Variants in GPR155 observed in about 807,000 individuals in gnomAD.
The protein encoded by GPR155 is G protein-coupled receptor 155, also known as lysosomal cholesterol signaling protein.
GPR155 carries 65 observed loss-of-function variants against 93.1 expected under a neutral mutation model. The ratio of observed to expected loss-of-function variants is 0.70; its 90% CI spans 0.57 to 0.86. The LOEUF is 0.86. Ranked by LOEUF, GPR155 falls within the 40% of genes least tolerant of loss-of-function variation. The pLI is 0.00. For synonymous variants in GPR155, 319 were observed against 360.1 expected, an observed-to-expected ratio of 0.89 and a Z score of 1.29; for missense variants, 838 against 1,034.8, an observed-to-expected ratio of 0.81 and a Z score of 2.61.
chr2:174,446,226 G>C (rs1687119761), intron 12 of GPR155, among the ~76,000 whole-genome samples: 1 of 149,328 alleles, frequency 6.7e-6, no homozygotes, highest in South Asian at 2.1e-4. Context: ...AGAATCGCTT[G>C]AACCCGGGAG....
chr2:174,434,830 C>T lies in GPR155; in HGVS notation c.*1286G>A, dbSNP rs529893873. The T allele has an allele frequency of 4.0e-5, 6 of 149,048 alleles. No individual in the cohort carries two copies. Among genetic ancestry groups the T allele is most frequent in the Non-Finnish European group, 7.4e-5 (5 of 67,612 alleles). The allele number at this position is 149,048 out of a possible 1,614,324, so 9.2% of individuals were successfully genotyped here. A position where few individuals can be genotyped will look rare whatever the true frequency, so the allele number is the denominator to read the frequency against. On this transcript the variant is annotated 3_prime_UTR_variant, in exon 16 of 16. Coordinates refer to ENST00000392552, the MANE Select transcript of GPR155 (RefSeq NM_152529.7). Reference sequence around the variant, plus strand: ...TTTTAGTACAGACCGGGTTTCACCACGTTGCCCGGGCTGGTCTTGAACTCC... The same window carrying T: ...TTTTAGTACAGACCGGGTTTCACCATGTTGCCCGGGCTGGTCTTGAACTCC...
intron 10 of GPR155, among the ~76,000 whole-genome samples, chr2:174,454,383 C>T (rs1000611131): frequency 6.6e-6 from 1 of 152,148 alleles, no homozygotes; most frequent in Non-Finnish European, 1.5e-5. Context: ...GCGATCTGCC[C>T]GCCTCGGCCT....
Position 174,436,125 on chromosome 2 carries a change from AG to A in GPR155, c.2603del (p.Pro868LeufsTer24). On this transcript the variant is annotated frameshift_variant, in exon 16 of 16. Coordinates refer to ENST00000392552, the MANE Select transcript of GPR155 (RefSeq NM_152529.7). LOFTEE classifies it high-confidence loss of function. ...IEHSSPPSHS[P>X]KT ...TTCTCCCCTGCATAATTTAGGTCTT[AG>A]GGGAATGTGAGGGTGGGGATGAATG... 1 of 1,612,334 alleles carries A rather than the reference AG, an allele frequency of 6.2e-7. No individual in the cohort carries two copies. The highest frequency in any genetic ancestry group is 8.5e-7 in the Non-Finnish European group (1 of 1,178,476).
chr2:174,483,766 G>A (rs1407558062), intron 1 of GPR155, among the ~76,000 whole-genome samples: 2 of 151,950 alleles, frequency 1.3e-5, no homozygotes, highest in Non-Finnish European at 2.9e-5. Context: ...TGAATTTTTA[G>A]TAGAGACGGG....
chr2:174,476,819 A>G (rs79891586), intron 2 of GPR155, among the ~76,000 whole-genome samples: 1 of 151,898 alleles, frequency 6.6e-6, no homozygotes, highest in Non-Finnish European at 1.5e-5. Context: ...TCCTTTTTTT[A>G]CCTAAATCTC....
intron 10 of GPR155, among the ~76,000 whole-genome samples, chr2:174,454,241 G>A (rs1471363291): frequency 2.6e-5 from 4 of 152,148 alleles, no homozygotes; most frequent in Admixed American, 1.3e-4. Flanking sequence ...GGGTTCAAGC[G>A]ATTGTCCCGC....
At chr2:174,479,781 G>A (rs1688268428) in intron 2 of GPR155, among the ~76,000 whole-genome samples, 1 of 152,148 alleles carries the variant, frequency 6.6e-6, no homozygotes, top group Admixed American at 6.5e-5. Flanking sequence ...TTCTCCTGAG[G>A]AAATGGACAA....
intron 2 of GPR155, among the ~76,000 whole-genome samples, chr2:174,478,012 A>G (rs1334487580): frequency 6.6e-6 from 1 of 152,170 alleles, no homozygotes; most frequent in Non-Finnish European, 1.5e-5. Context: ...CAAGCACTAG[A>G]CCATAATTAT....
At chr2:174,485,703 A>C (rs1199453855) in intron 1 of GPR155, among the ~76,000 whole-genome samples, 2 of 152,176 alleles carry the variant, frequency 1.3e-5, no homozygotes, top group African/African-American at 2.4e-5. Flanking sequence ...AAAATAATCA[A>C]AATGACTTTA....
intron 14 of GPR155, among the ~76,000 whole-genome samples, chr2:174,441,412 A>T (rs1686955306): frequency 6.6e-6 from 1 of 151,256 alleles, no homozygotes; most frequent in East Asian, 1.9e-4. Context: ...ATATATATAT[A>T]TTTAAAAAAT....
intron 3 of GPR155, among the ~76,000 whole-genome samples, 189 bp from the exon 4 acceptor site, chr2:174,470,744 T>C (rs767556595): frequency 5.9e-5 from 9 of 152,132 alleles, no homozygotes; most frequent in Non-Finnish European, 4.4e-5. Context: ...CTTGGAGCCA[T>C]TTAAAGTGTA....
At chr2:174,472,152 T>C (rs1161426015) in intron 3 of GPR155, among the ~76,000 whole-genome samples, 2 of 152,192 alleles carry the variant, frequency 1.3e-5, no homozygotes, top group East Asian at 3.8e-4. Context: ...ATGCCTGTAA[T>C]CCCAGCACTT....
intron 1 of GPR155, among the ~76,000 whole-genome samples, chr2:174,483,608 G>A (rs1172174905): frequency 1.3e-5 from 2 of 151,760 alleles, no homozygotes; most frequent in Non-Finnish European, 2.9e-5. Context: ...TTTTCAGATG[G>A]AGTTTTGTTC....
chr2:174,454,853 A>G (rs980111035), intron 10 of GPR155, among the ~76,000 whole-genome samples: 1 of 122,472 alleles, frequency 8.2e-6, no homozygotes, highest in South Asian at 2.8e-4. Flanking sequence ...AAAGGAAGGA[A>G]GGGAAGGAAG....
intron 15 of GPR155, 97 bp from the exon 16 acceptor site, chr2:174,436,513 A>G: frequency 8.7e-7 from 1 of 1,153,016 alleles, no homozygotes; most frequent in Non-Finnish European, 1.2e-6. Flanking sequence ...GAAACAAGGA[A>G]AGACAGCATG....
At chr2:174,448,249 G>A (rs1412146353) in intron 11 of GPR155, among the ~76,000 whole-genome samples, 1 of 152,186 alleles carries the variant, frequency 6.6e-6, no homozygotes, top group Non-Finnish European at 1.5e-5. Context: ...GGTGGCGGCC[G>A]CCTGTAATCC....
intron 10 of GPR155, among the ~76,000 whole-genome samples, chr2:174,454,250 G>A (rs191906344): frequency 0.013 from 1,976 of 152,192 alleles, 19 homozygotes; most frequent in Non-Finnish European, 0.02. Flanking sequence ...CGATTGTCCC[G>A]CCTCAGCTTC....
chr2:174,486,254 C>G lies in GPR155; in HGVS notation c.-32+619G>C, dbSNP rs1389056383. On this transcript the variant is annotated intron_variant, in intron 1 of 15. Transcript: ENST00000392552. ...GCTGAGCACTGCCTCCTTGCCTCGTCTGCAGGGACAGACTGTGGCCCTCCA... is the reference window on the plus strand; with the variant it reads ...GCTGAGCACTGCCTCCTTGCCTCGTGTGCAGGGACAGACTGTGGCCCTCCA... 4.6e-5 allele frequency among the ~76,000 whole-genome samples: 7 copies of G among 152,180 alleles called. No individual in the cohort carries two copies. The East Asian group carries it at 1.3e-3, about 29-fold the overall frequency.
intron 7 of GPR155, among the ~76,000 whole-genome samples, chr2:174,464,020 T>A (rs1443024116): frequency 6.6e-6 from 1 of 152,184 alleles, no homozygotes; most frequent in Non-Finnish European, 1.5e-5. Flanking sequence ...TTTGTTACAG[T>A]AGCAAAGGCA....
Sources: gnomAD v4.1 joint callset for allele counts (sites outside exome capture counted in the v4.1 genomes callset) on GRCh38, gnomAD v4.1.1 for gene constraint, MANE v1.5 for transcripts, NCBI Gene and HGNC (gene_info 2026-07-23, HGNC 2026-07-21) for gene names.